Variants in MYH15 observed in about 807,000 individuals in gnomAD.
MYH15 encodes myosin heavy chain 15, also known as myosin-15.
MYH15 carries 227 observed loss-of-function variants against 240.5 expected under a neutral mutation model. That is an observed-to-expected ratio of 0.94 (90% confidence interval 0.85 to 1.05). The LOEUF is 1.05. Ranked by LOEUF, MYH15 falls within the 50% of genes least tolerant of loss-of-function variation. MYH15 has a pLI of 0.00. For synonymous variants in MYH15, 785 were observed against 796.7 expected (o/e 0.99, Z 0.25); for missense variants, 2,217 against 2,247.5 (o/e 0.99, Z 0.27).
upstream of MYH15, among the ~76,000 whole-genome samples, chr3:108,515,465 T>C (rs967756125): frequency 2.0e-5 from 3 of 152,244 alleles, no homozygotes; most frequent in Non-Finnish European, 2.9e-5. Flanking sequence ...CTATATTTAA[T>C]TTCTGCCTTT....
In MYH15 at chr3:108,414,855, C is replaced by A. The variant is rs151213256; in HGVS notation, c.3949-427G>T. Among the ~76,000 whole-genome samples the A allele has an allele frequency of 5.4e-3, 826 of 152,234 alleles. 7 individuals carry two copies. The highest frequency in any genetic ancestry group is 0.015 in the African/African-American group (635 of 41,538). ...ATTCCACTGATGAAGAAAATAAAATCTTTTATTTCACACTGAAATCTCTAA... is the reference window on the plus strand; with the variant it reads ...ATTCCACTGATGAAGAAAATAAAATATTTTATTTCACACTGAAATCTCTAA... On this transcript the variant is annotated intron_variant, in intron 29 of 40. Coordinates refer to ENST00000693548, the MANE Select transcript of MYH15 (RefSeq NM_014981.3).
chr3:108,410,841 G>T lies in MYH15; in HGVS notation c.4237C>A (p.Leu1413Met), dbSNP rs2082586895. 1.9e-6 allele frequency: 3 copies of T among 1,613,886 alleles called. No homozygotes were observed. The highest frequency in any genetic ancestry group is 1.3e-5 in the African/African-American group (1 of 74,930). The change falls in exon 31 of 41, where the codon CTG becomes ATG. Residue 1413 changes from leucine (L) to methionine (M), a missense_variant. Transcript: ENST00000693548. ...NASLERARHQ[L>M]QLELGDALSD... Reference sequence around the variant, plus strand: ...AGGGCGTCCCCGAGCTCCAGCTGCAGCTGGTGCCTGGCTCTCTCCAAGGAG... The same window carrying T: ...AGGGCGTCCCCGAGCTCCAGCTGCATCTGGTGCCTGGCTCTCTCCAAGGAG...
At position 108,391,954 on chromosome 3, in the gene MYH15, G is replaced by A. The variant is rs535935050; in HGVS notation, c.5260-24C>T. The A allele has an allele frequency of 9.8e-5, 158 of 1,609,854 alleles. 1 individual carries two copies. The South Asian group carries it at 1.3e-3, about 13-fold the overall frequency. On this transcript the variant is annotated intron_variant, in intron 36 of 40. Transcript: ENST00000693548. ...GCCTAGGGGGTTAAAAAAAGGGACTGAGCTAGTTCAGCAGTCAATTGATCT... is the reference window on the plus strand; with the variant it reads ...GCCTAGGGGGTTAAAAAAAGGGACTAAGCTAGTTCAGCAGTCAATTGATCT...
intron 11 of MYH15, among the ~76,000 whole-genome samples, chr3:108,476,891 T>C (rs2083226207): frequency 6.6e-6 from 1 of 152,144 alleles, no homozygotes; most frequent in South Asian, 2.1e-4. Context: ...ATGGTGTGTA[T>C]TTGCCGTGAG....
At position 108,382,302 on chromosome 3, in the gene MYH15, TA is replaced by T. The variant is rs888466987; in HGVS notation, c.5767-744del. On this transcript the variant is annotated intron_variant, in intron 40 of 40. Transcript: ENST00000693548. Reference sequence around the variant, plus strand: ...CTTGAGGCAGCTATTCAGGCATCAGTAAAAAATTTCTGGAGTCTCTCAATGA... The same window carrying T: ...CTTGAGGCAGCTATTCAGGCATCAGTAAAAATTTCTGGAGTCTCTCAATGA... Among the ~76,000 whole-genome samples, 20 of 152,296 alleles carry T rather than the reference TA, an allele frequency of 1.3e-4. No homozygotes were observed. The East Asian group carries it at 2.9e-3, about 22-fold the overall frequency.
chr3:108,461,554 T>C (rs188979176), intron 16 of MYH15, among the ~76,000 whole-genome samples: 91 of 152,298 alleles, frequency 6.0e-4, no homozygotes, highest in Admixed American at 2.4e-3. Context: ...CCTGAAGAGT[T>C]AGAAGACGAT....
Position 108,405,337 on chromosome 3 carries a change from C to A in MYH15, c.4736+1G>T. ...TTACACATCAAAATCATCTTAAATA[C>A]CTAAAATTTTCTATTTCTTCATCTT... On this transcript the variant is annotated splice_donor_variant, in intron 33 of 40. Coordinates refer to ENST00000693548, the MANE Select transcript of MYH15 (RefSeq NM_014981.3). LOFTEE classifies it high-confidence loss of function. 6.8e-7 allele frequency: 1 copy of A among 1,472,416 alleles called. No homozygotes were observed. Among genetic ancestry groups the A allele is most frequent in the Non-Finnish European group, 9.2e-7 (1 of 1,085,168 alleles). 91.2% of individuals were successfully genotyped at this position (1,472,416 alleles called of 1,614,324 possible).
chr3:108,509,077 C>T (rs920464860), intron 1 of MYH15, among the ~76,000 whole-genome samples: 1 of 152,146 alleles, frequency 6.6e-6, no homozygotes, highest in African/African-American at 2.4e-5. Context: ...GATCCCAAGA[C>T]TACCTGCTAA....
chr3:108,391,301 C>T (rs1249787848), intron 37 of MYH15, among the ~76,000 whole-genome samples: 1 of 152,192 alleles, frequency 6.6e-6, no homozygotes, highest in Non-Finnish European at 1.5e-5. Context: ...TACATCATTT[C>T]TGTCAGTCCT....
Position 108,464,628 on chromosome 3 carries a change from G to A in MYH15, c.1731+10C>T, listed in dbSNP as rs2083098568. 3.1e-6 allele frequency: 5 copies of A among 1,598,358 alleles called. No homozygotes were observed. The highest frequency in any genetic ancestry group is 4.3e-6 in the Non-Finnish European group (5 of 1,173,730). On this transcript the variant is annotated intron_variant, in intron 15 of 40. Coordinates refer to ENST00000693548, the MANE Select transcript of MYH15 (RefSeq NM_014981.3). ...GAAAATTCAAGACCGGGGGTCCAGA[G>A]GTAACTCACCACTCCTGCATAATGG... is the stretch of plus-strand genomic sequence containing the variant.
At chr3:108,537,975 A>G in the MYH15 span, among the ~76,000 whole-genome samples, 1 of 152,160 alleles carries the variant, frequency 6.6e-6, no homozygotes, top group Non-Finnish European at 1.5e-5. Context: ...TCCCCTTGGC[A>G]AACACTTCAG....
upstream of MYH15, among the ~76,000 whole-genome samples, chr3:108,529,921 T>G (rs2083700863): frequency 6.6e-6 from 1 of 152,178 alleles, no homozygotes; most frequent in Non-Finnish European, 1.5e-5. Context: ...AGGAGAGAGC[T>G]GCTCAGAGAG....
chr3:108,438,164 T>G (rs1304300919), intron 24 of MYH15, among the ~76,000 whole-genome samples: 2 of 152,228 alleles, frequency 1.3e-5, no homozygotes, highest in African/African-American at 4.8e-5. Context: ...ATGATCATCC[T>G]TAATAATTTG....
chr3:108,446,047 T>C (rs1295256208), intron 21 of MYH15, among the ~76,000 whole-genome samples: 1 of 152,002 alleles, frequency 6.6e-6, no homozygotes. Context: ...AGTCCAGACA[T>C]GCAGCCCCAG....
intron 21 of MYH15, among the ~76,000 whole-genome samples, chr3:108,449,649 A>G (rs910676219): frequency 2.0e-5 from 3 of 152,112 alleles, no homozygotes; most frequent in Non-Finnish European, 2.9e-5. Flanking sequence ...ACACTTGGGG[A>G]AAAAGTTTCT....
chr3:108,522,432 G>A (rs1466656397), intron 1 of MYH15, among the ~76,000 whole-genome samples: 1 of 151,820 alleles, frequency 6.6e-6, no homozygotes, highest in Non-Finnish European at 1.5e-5. Flanking sequence ...TCAAAACAAG[G>A]GTCTTAATGT....
rs577325025 is a variant in MYH15 at position 108,464,716 on chromosome 3, C to T, written c.1653G>A (p.Lys551=). ...KTKLFDNHFG[K]SVHLQKPKPD... ...GCTTGGGCTTCTGGAGATGAACCGA[C>T]TTTCCAAAATGGTTGTCAAAGAGTT... Residue 551 remains lysine (K), a synonymous_variant, in exon 15 of 41, where the codon AAG becomes AAA. Coordinates refer to ENST00000693548, the MANE Select transcript of MYH15 (RefSeq NM_014981.3). 34 of 1,613,936 alleles carry T rather than the reference C, an allele frequency of 2.1e-5. 1 individual carries two copies. In the South Asian group the frequency reaches 3.5e-4, roughly 17 times the overall value.
At chr3:108,447,693 G>A (rs28834993) in intron 21 of MYH15, among the ~76,000 whole-genome samples, 2,624 of 152,144 alleles carry the variant, frequency 0.017, 71 homozygotes, top group African/African-American at 0.059. Flanking sequence ...GGAGTTTATC[G>A]TCACTACTTG....
At chr3:108,506,457 A>G (rs536535979) in intron 1 of MYH15, among the ~76,000 whole-genome samples, 9 of 152,284 alleles carry the variant, frequency 5.9e-5, no homozygotes, top group Non-Finnish European at 1.2e-4. Context: ...ATCCCTAAGC[A>G]AAGTAGCCCT....
Sources: gnomAD v4.1 joint callset for allele counts (sites outside exome capture counted in the v4.1 genomes callset) on GRCh38, gnomAD v4.1.1 for gene constraint, MANE v1.5 for transcripts, NCBI Gene and HGNC (gene_info 2026-07-23, HGNC 2026-07-21) for gene names.